The following HAPLN1 variants were observed in gnomAD, a reference collection of about 807,000 sequenced individuals.
The protein encoded by HAPLN1 is Cartilage link protein.
Under a neutral mutation model 36.5 loss-of-function variants are expected in HAPLN1, and 13 were observed. That is an observed-to-expected ratio of 0.36 (90% CI 0.23 to 0.57). The LOEUF is 0.57. Among genes scored for constraint, HAPLN1 ranks in the 20% least tolerant of loss-of-function variants. The pLI is 0.83. For synonymous variants in HAPLN1, 202 were observed against 169.8 expected, an observed-to-expected ratio of 1.19 and a Z score of -1.48; for missense variants, 407 against 439.7, an observed-to-expected ratio of 0.93 and a Z score of 0.66.
At chr5:83,647,073 G>A (rs528758655) in intron 3 of HAPLN1, among the ~76,000 whole-genome samples, 1 of 152,152 alleles carries the variant, frequency 6.6e-6, no homozygotes, top group Non-Finnish European at 1.5e-5. Context: ...TAAATTCACT[G>A]TAGTGTATTT....
intron 1 of HAPLN1, among the ~76,000 whole-genome samples, chr5:83,720,449 G>A (rs10942332): frequency 0.29 from 43,556 of 151,818 alleles, 6,707 homozygotes; most frequent in East Asian, 0.41. Flanking sequence ...TTCATCTCAG[G>A]TGCTATAAAA....
intron 2 of HAPLN1, among the ~76,000 whole-genome samples, chr5:83,660,594 C>T (rs1271919733): frequency 1.3e-5 from 2 of 152,064 alleles, no homozygotes; most frequent in African/African-American, 2.4e-5. Flanking sequence ...AATATTCTGT[C>T]TCCTCTTAAT....
In HAPLN1 at chr5:83,720,244, G is replaced by T. The variant is rs574504240; in HGVS notation, c.-27+545C>A. On this transcript the variant is annotated intron_variant, in intron 1 of 4. Coordinates refer to ENST00000274341, the MANE Select transcript of HAPLN1 (RefSeq NM_001884.4). ...ATGCATCATCATTCTATGATCTTAA[G>T]TTCATAATTAGCTGGAGAAGGAAGC... Among the ~76,000 whole-genome samples, 519 of 152,256 alleles carry T rather than the reference G, an allele frequency of 3.4e-3. 2 individuals carry two copies. Among genetic ancestry groups the T allele is most frequent in the Non-Finnish European group, 5.0e-3 (341 of 68,020 alleles).
intron 1 of HAPLN1, among the ~76,000 whole-genome samples, chr5:83,717,629 T>A (rs1019429204): frequency 2.0e-5 from 3 of 152,192 alleles, no homozygotes; most frequent in Non-Finnish European, 4.4e-5. Context: ...AAGAAAAGGT[T>A]TTTAAAGCTC....
At chr5:83,678,460 A>G (rs185217816) in intron 1 of HAPLN1, among the ~76,000 whole-genome samples, 180 of 152,304 alleles carry the variant, frequency 1.2e-3, no homozygotes, top group African/African-American at 4.2e-3. Flanking sequence ...ATATTTTGTC[A>G]TTATAAAAGA....
At chr5:83,707,043 G>A (rs1751670181) in intron 1 of HAPLN1, among the ~76,000 whole-genome samples, 1 of 152,128 alleles carries the variant, frequency 6.6e-6, no homozygotes, top group Admixed American at 6.5e-5. Flanking sequence ...TTCCTATGGT[G>A]AGAATTACAA....
chr5:83,671,291 G>A (rs1750712361), intron 2 of HAPLN1, among the ~76,000 whole-genome samples: 2 of 152,224 alleles, frequency 1.3e-5, no homozygotes, highest in African/African-American at 2.4e-5. Flanking sequence ...TTACAGCAAC[G>A]TGAATTTTCA....
intron 1 of HAPLN1, chr5:83,686,016 A>G (rs1297075804): frequency 6.6e-6 from 1 of 151,942 alleles, no homozygotes; most frequent in Non-Finnish European, 1.5e-5. Context: ...CATAAAGCAT[A>G]TGTGCTTTTG....
intron 1 of HAPLN1, among the ~76,000 whole-genome samples, chr5:83,709,473 A>G (rs1039856930): frequency 2.6e-5 from 4 of 151,962 alleles, no homozygotes; most frequent in Non-Finnish European, 5.9e-5. Context: ...GGGTAATTTT[A>G]TTTAATTAAT....
chr5:83,698,295 A>G (rs1751437750), intron 1 of HAPLN1, among the ~76,000 whole-genome samples: 2 of 119,144 alleles, frequency 1.7e-5, no homozygotes, highest in South Asian at 2.7e-4. Context: ...CTGGAGCTCC[A>G]TTGTATGTTA....
intron 1 of HAPLN1, among the ~76,000 whole-genome samples, chr5:83,706,484 T>C (rs1336724327): frequency 6.6e-6 from 1 of 152,160 alleles, no homozygotes; most frequent in Non-Finnish European, 1.5e-5. Flanking sequence ...AAAACCCACA[T>C]GATTATCTCA....
In HAPLN1 at chr5:83,641,432, G is replaced by GAAA; in HGVS notation, c.*61_*63dup. 2.3e-6 allele frequency: 3 copies of GAAA among 1,291,990 alleles called. No individual in the cohort carries two copies. The highest frequency in any genetic ancestry group is 1.6e-5 in the South Asian group (1 of 62,738). 80.0% of individuals were successfully genotyped at this position (1,291,990 alleles called of 1,614,324 possible). A position where few individuals can be genotyped will look rare whatever the true frequency, so the allele number is the denominator to read the frequency against. On this transcript the variant is annotated 3_prime_UTR_variant, in exon 5 of 5. Transcript: ENST00000274341. ...TGGTAACTTGCATGAGTTCATATTG[G>GAAA]AAAAAAAAAACACCTTTCACATGTT...
chr5:83,652,336 C>G (rs971875218), intron 3 of HAPLN1, 117 bp downstream of exon 3: 1 of 988,044 alleles, frequency 1.0e-6, no homozygotes, highest in East Asian at 2.5e-5. Flanking sequence ...AGATGCCAGG[C>G]AAGGACTTTG....
At chr5:83,714,579 A>G (rs755425595) in intron 1 of HAPLN1, among the ~76,000 whole-genome samples, 2 of 152,112 alleles carry the variant, frequency 1.3e-5, no homozygotes, top group Non-Finnish European at 2.9e-5. Flanking sequence ...ATTTTACTGT[A>G]CTTACATACC....
intron 2 of HAPLN1, among the ~76,000 whole-genome samples, chr5:83,663,799 CTTTTT>C (rs71605866): frequency 1.6e-5 from 2 of 121,884 alleles, no homozygotes; most frequent in African/African-American, 6.0e-5. Context: ...TCTTCCTTCA[CTTTTT>C]TTTTTTTTTT....
chr5:83,648,194 C>T (rs1236572477), intron 3 of HAPLN1, among the ~76,000 whole-genome samples: 2 of 151,644 alleles, frequency 1.3e-5, no homozygotes, highest in Non-Finnish European at 2.9e-5. Context: ...TCAGAGGGCT[C>T]TGCCCTCTCC....
chr5:83,651,281 C>T (rs962616338), intron 3 of HAPLN1, among the ~76,000 whole-genome samples: 14 of 152,184 alleles, frequency 9.2e-5, no homozygotes, highest in African/African-American at 3.1e-4. Context: ...ATACTACTAG[C>T]TCAAGGCTCT....
intron 1 of HAPLN1, chr5:83,686,142 C>CAAAAAAAAAAAAAAAAA: frequency 1.2e-5 from 1 of 81,644 alleles, no homozygotes; most frequent in Non-Finnish European, 2.3e-5. Context: ...AAAATGTAGC[C>CAAAAAAAAAAAAAAAAA]AAAAAAAAAA....
At position 83,638,240 on chromosome 5, in the gene HAPLN1, A is replaced by G. The variant is rs536443973; in HGVS notation, c.*3256T>C. 2 of 151,632 alleles carry G rather than the reference A, an allele frequency of 1.3e-5. No homozygotes were observed. Among genetic ancestry groups the G allele is most frequent in the South Asian group, 4.1e-4 (2 of 4,830 alleles). The allele number at this position is 151,632 out of a possible 1,614,324, so 9.4% of individuals were successfully genotyped here. ...GACTTTTAATGTACCAGTTCATTGT[A>G]TCTTACAGAAAATCAAAACATTTTT... is the stretch of plus-strand genomic sequence containing the variant. On this transcript the variant is annotated 3_prime_UTR_variant, in exon 5 of 5. Transcript: ENST00000274341.
Sources: gnomAD v4.1 joint callset for allele counts (sites outside exome capture counted in the v4.1 genomes callset) on GRCh38, gnomAD v4.1.1 for gene constraint, MANE v1.5 for transcripts, NCBI Gene and HGNC (gene_info 2026-07-23, HGNC 2026-07-21) for gene names.